The following NOXRED1 variants were observed in gnomAD, a reference collection of about 807,000 sequenced individuals.
NOXRED1 encodes the protein NADP dependent oxidoreductase domain containing 1.
NOXRED1 carries 20 observed loss-of-function variants against 30.4 expected under a neutral mutation model. That is an observed-to-expected ratio of 0.66 (90% CI 0.46 to 0.96). NOXRED1 has a LOEUF of 0.96. Ranked by LOEUF, NOXRED1 falls within the 40% of genes least tolerant of loss-of-function variation. The pLI is 0.00. For missense variants in NOXRED1, 374 were observed against 428.0 expected (o/e 0.87, Z 1.11); for synonymous variants, 155 against 168.0 (o/e 0.92, Z 0.60).
Position 77,394,487 on chromosome 14 carries a change from C to A in NOXRED1, c.*144G>T. ...TTTATTCTACATTTTAAAGAGTCAT[C>A]AGTACAGTTTTATAATTCCTGATGT... On this transcript the variant is annotated 3_prime_UTR_variant, in exon 6 of 6. Transcript: ENST00000380835. 1 of 540,040 alleles carries A rather than the reference C, an allele frequency of 1.9e-6. No homozygotes were observed. The highest frequency in any genetic ancestry group is 2.9e-5 in the East Asian group (1 of 34,722). 33.5% of individuals were successfully genotyped at this position (540,040 alleles called of 1,614,324 possible). A position where few individuals can be genotyped will look rare whatever the true frequency, so the allele number is the denominator to read the frequency against.
Position 77,422,925 on chromosome 14 carries a change from A to C in NOXRED1, c.-36T>G. 6.3e-7 allele frequency: 1 copy of C among 1,582,544 alleles called. No homozygotes were observed. Among genetic ancestry groups the C allele is most frequent in the Non-Finnish European group, 8.6e-7 (1 of 1,161,754 alleles). On this transcript the variant is annotated 5_prime_UTR_variant, in exon 1 of 6. Coordinates refer to ENST00000380835, the MANE Select transcript of NOXRED1 (RefSeq NM_001113475.3). ...CTATTTCCTGCAGTGATAGACACTA[A>C]TCAATTTGGCTCCCTGTCCCGGTAG...
chr14:77,416,099 TAAGTAG>T (rs1894814398), intron 1 of NOXRED1, among the ~76,000 whole-genome samples: 1 of 152,228 alleles, frequency 6.6e-6, no homozygotes, highest in African/African-American at 2.4e-5. Flanking sequence ...ATACCTCATA[TAAGTAG>T]AATTATGCAG....
rs181332347 is a variant in NOXRED1 at position 77,407,581 on chromosome 14, A to G, written c.414T>C (p.Asp138=). Residue 138 remains aspartate, a synonymous_variant, in exon 3 of 6, where the codon GAT becomes GAC. Transcript: ENST00000380835. ...YHNADLVSWA[D]VIFLCCLPSQ... ...ACGGCAAGCAGCAGAGGAATATCAC[A>G]TCGGCCCAACTCACCAGATCAGCGT... 21 of 1,614,090 alleles carry G rather than the reference A, an allele frequency of 1.3e-5. No individual in the cohort carries two copies. The highest frequency in any genetic ancestry group is 7.7e-5 in the South Asian group (7 of 91,086).
chr14:77,411,932 A>T (rs1594876499), intron 2 of NOXRED1, among the ~76,000 whole-genome samples: 1 of 152,182 alleles, frequency 6.6e-6, no homozygotes, highest in East Asian at 1.9e-4. Flanking sequence ...TCTCTACTAA[A>T]AATGCAAAAA....
At chr14:77,420,988 G>A (rs1007900063) in intron 1 of NOXRED1, among the ~76,000 whole-genome samples, 1 of 152,214 alleles carries the variant, frequency 6.6e-6, no homozygotes, top group Non-Finnish European at 1.5e-5. Context: ...AAGCCACTGA[G>A]TGATCCTTTG....
In NOXRED1 at chr14:77,407,540, A is replaced by AT. The variant is rs1179510007; in HGVS notation, c.454dup (p.Ile152AsnfsTer10). ...AAGGCTGGTGTAAATTTCTACGCAG[A>AT]TATTAGGCAGCTGAGACGGCAAGCA... On this transcript the variant is annotated frameshift_variant, in exon 3 of 6. Coordinates refer to ENST00000380835, the MANE Select transcript of NOXRED1 (RefSeq NM_001113475.3). LOFTEE classifies it high-confidence loss of function. The AT allele has an allele frequency of 6.2e-7, 1 of 1,614,056 alleles. No homozygotes were observed.
intron 2 of NOXRED1, among the ~76,000 whole-genome samples, chr14:77,408,642 T>C (rs1894549345): frequency 6.6e-6 from 1 of 152,004 alleles, no homozygotes; most frequent in Non-Finnish European, 1.5e-5. Flanking sequence ...CAGAAACGAG[T>C]AGCAGTCCCA....
chr14:77,417,562 T>C (rs1307101420), intron 1 of NOXRED1, among the ~76,000 whole-genome samples: 2 of 152,264 alleles, frequency 1.3e-5, no homozygotes, highest in Non-Finnish European at 2.9e-5. Flanking sequence ...TTAAAACCTA[T>C]TTTGTCTGAT....
In NOXRED1 at chr14:77,395,846, C is replaced by T. The variant is rs144892099; in HGVS notation, c.906-1041G>A. On this transcript the variant is annotated intron_variant, in intron 5 of 5. Coordinates refer to ENST00000380835, the MANE Select transcript of NOXRED1 (RefSeq NM_001113475.3). Reference sequence around the variant, plus strand: ...AGTTAATATGCAAATGAATACCTAACGGGGCAACATTAAGTATTAGTCTAT... The same window carrying T: ...AGTTAATATGCAAATGAATACCTAATGGGGCAACATTAAGTATTAGTCTAT... 8.8e-3 allele frequency among the ~76,000 whole-genome samples: 1,336 copies of T among 152,136 alleles called. 19 individuals carry two copies. Among genetic ancestry groups the T allele is most frequent in the South Asian group, 0.037 (180 of 4,822 alleles).
At chr14:77,403,237 C>T (rs1303942009) in intron 5 of NOXRED1, among the ~76,000 whole-genome samples, 1 of 151,950 alleles carries the variant, frequency 6.6e-6, no homozygotes, top group Non-Finnish European at 1.5e-5. Flanking sequence ...TGACAAACTA[C>T]TAGAAGGAAA....
chr14:77,424,399 G>A (rs533668087), upstream of NOXRED1, among the ~76,000 whole-genome samples: 50 of 152,284 alleles, frequency 3.3e-4, no homozygotes, highest in Admixed American at 2.7e-3. Context: ...GGAGATGGAC[G>A]TTGGTTGCAG....
At chr14:77,406,559 C>T (rs753454272) in intron 4 of NOXRED1, 165 bp downstream of exon 4, 1 of 797,480 alleles carries the variant, frequency 1.3e-6, no homozygotes, top group Non-Finnish European at 2.2e-6. Context: ...TCAGCTCTTC[C>T]TAAGTAGCTC....
At chr14:77,409,483 T>A (rs960036204) in intron 2 of NOXRED1, among the ~76,000 whole-genome samples, 4 of 152,206 alleles carry the variant, frequency 2.6e-5, no homozygotes, top group African/African-American at 9.6e-5. Flanking sequence ...CATGCAGAAC[T>A]GTGAGTCAAT....
At chr14:77,422,145 T>C (rs1895013937) in intron 1 of NOXRED1, among the ~76,000 whole-genome samples, 1 of 152,210 alleles carries the variant, frequency 6.6e-6, no homozygotes. Flanking sequence ...CAGAGTGACC[T>C]GGAGTTGCAG....
chr14:77,425,785 C>T (rs187951025), upstream of NOXRED1, among the ~76,000 whole-genome samples: 1 of 152,358 alleles, frequency 6.6e-6, no homozygotes, highest in African/African-American at 2.4e-5. Context: ...AAAGCAACTT[C>T]GAACATTGCC....
intron 5 of NOXRED1, among the ~76,000 whole-genome samples, chr14:77,402,959 CAGG>C (rs1354230901): frequency 6.6e-6 from 1 of 151,666 alleles, no homozygotes; most frequent in Non-Finnish European, 1.5e-5. Context: ...CGCTTGAACC[CAGG>C]AGGCAGAGAT....
chr14:77,424,632 C>T (rs1895078544), upstream of NOXRED1, among the ~76,000 whole-genome samples: 1 of 152,136 alleles, frequency 6.6e-6, no homozygotes, highest in South Asian at 2.1e-4. Context: ...AAAAGAAGCT[C>T]AAAACCTAGA....
At chr14:77,396,940 A>G (rs1236980035) in intron 5 of NOXRED1, among the ~76,000 whole-genome samples, 1 of 152,372 alleles carries the variant, frequency 6.6e-6, no homozygotes, top group South Asian at 2.1e-4. Flanking sequence ...ACTGGATTAT[A>G]CATTGCTAGT....
At chr14:77,413,281 C>G (rs1465926879) in intron 2 of NOXRED1, among the ~76,000 whole-genome samples, 1 of 150,682 alleles carries the variant, frequency 6.6e-6, no homozygotes, top group Non-Finnish European at 1.5e-5. Context: ...ACTCTATCTC[C>G]AGGCTGGAGT....
Sources: allele counts gnomAD v4.1 joint callset (sites outside exome capture counted in the v4.1 genomes callset), GRCh38; gene constraint gnomAD v4.1.1; transcripts MANE v1.5; gene names NCBI Gene and HGNC (gene_info 2026-07-23, HGNC 2026-07-21).